Variants in EDAR observed in about 807,000 individuals in gnomAD.
EDAR encodes tumor necrosis factor receptor superfamily member EDAR.
A neutral mutation model predicts 51.3 loss-of-function variants in EDAR; 38 were observed. That is an observed-to-expected ratio of 0.74 (90% confidence interval 0.57 to 0.97). EDAR has a LOEUF of 0.97. EDAR is among the 50% of genes least tolerant of loss of function. The pLI is 0.00. For synonymous variants in EDAR, 227 were observed against 242.1 expected (o/e 0.94, Z 0.58); for missense variants, 528 against 595.0 (o/e 0.89, Z 1.17).
intron 4 of EDAR, among the ~76,000 whole-genome samples, chr2:108,924,892 T>C (rs188715891): frequency 3.7e-4 from 57 of 152,358 alleles, no homozygotes; most frequent in African/African-American, 1.3e-3. Context: ...TTCACGGGCA[T>C]GTGGGCCAGA....
rs144579280 is a variant in EDAR at position 108,954,242 on chromosome 2, C to T, written c.-18-23210G>A. 5.0e-4 allele frequency among the ~76,000 whole-genome samples: 76 copies of T among 152,238 alleles called. 1 individual carries two copies. Among genetic ancestry groups the T allele is most frequent in the African/African-American group, 1.8e-3 (74 of 41,554 alleles). ...CTCTTTAGAACTGGAGATCCTGTTC[C>T]GGAGACCAGCAGCAGATTGTGGTGT... is the stretch of plus-strand genomic sequence containing the variant. On this transcript the variant is annotated intron_variant, in intron 1 of 11. Transcript: ENST00000258443.
chr2:108,896,972 A>C lies in EDAR; in HGVS notation c.1282T>G (p.Cys428Gly). Residue 428 changes from cysteine to glycine, a missense_variant, in exon 12 of 12, where the codon TGT becomes GGT. Cys to Gly is a radical substitution (Grantham distance 159). Transcript: ENST00000258443. ...IERLDAVESLCADILEWAGVV... is the reference protein window; with the variant it reads ...IERLDAVESLGADILEWAGVV... ...CCCGCCCACTCCAGTATGTCTGCAC[A>C]CAAGGACTCCACAGCATCCAGCCGC... The C allele has an allele frequency of 6.2e-7, 1 of 1,613,816 alleles. No individual in the cohort carries two copies. Among genetic ancestry groups the C allele is most frequent in the Non-Finnish European group, 8.5e-7 (1 of 1,179,930 alleles).
At chr2:108,910,701 G>GTCCTC (rs1696910322) in intron 8 of EDAR, 75 bp downstream of exon 8, 1 of 1,526,982 alleles carries the variant, frequency 6.5e-7, no homozygotes, top group East Asian at 2.3e-5. Context: ...GCAGCGAGGA[G>GTCCTC]GCTGCTTCTG....
intron 1 of EDAR, among the ~76,000 whole-genome samples, chr2:108,937,586 G>A (rs992679287): frequency 6.6e-6 from 1 of 151,608 alleles, no homozygotes; most frequent in South Asian, 2.1e-4. Context: ...ATGTGTAAGT[G>A]TATTTGTATA....
At chr2:108,973,118 C>G (rs1698264644) in intron 1 of EDAR, among the ~76,000 whole-genome samples, 1 of 152,220 alleles carries the variant, frequency 6.6e-6, no homozygotes. Flanking sequence ...TCCCCATTAG[C>G]TGGGATTAAT....
At chr2:108,932,796 A>G (rs376922739) in intron 1 of EDAR, among the ~76,000 whole-genome samples, 21 of 152,312 alleles carry the variant, frequency 1.4e-4, no homozygotes, top group African/African-American at 4.8e-4. Flanking sequence ...AACCGTGGGG[A>G]AAACATTCAA....
intron 1 of EDAR, among the ~76,000 whole-genome samples, chr2:108,968,168 A>T (rs1698179845): frequency 6.6e-6 from 1 of 152,120 alleles, no homozygotes; most frequent in South Asian, 2.1e-4. Flanking sequence ...ACTTTAGTGG[A>T]AACTGTCTCT....
Position 108,911,011 on chromosome 2 carries a change from G to A in EDAR, c.591C>T (p.Ile197=). 1.2e-6 allele frequency: 2 copies of A among 1,614,164 alleles called. No homozygotes were observed. Among genetic ancestry groups the A allele is most frequent in the Non-Finnish European group, 1.7e-6 (2 of 1,180,010 alleles). Residue 197 remains isoleucine (I), a synonymous_variant, in exon 7 of 12, where the codon ATC becomes ATT. Coordinates refer to ENST00000258443, the MANE Select transcript of EDAR (RefSeq NM_022336.4). The part of the protein sequence containing the change: ...ALIIAMSTIF[I]MAIAIVLIIM... ...TGATGAGGACGATGGCGATGGCCAT[G>A]ATGAAGATGGTGGACATTGCAATGA...
chr2:108,963,240 A>T (rs1190627471), intron 1 of EDAR, among the ~76,000 whole-genome samples: 1 of 152,214 alleles, frequency 6.6e-6, no homozygotes, highest in Non-Finnish European at 1.5e-5. Context: ...CTCTGTGGCC[A>T]ACGTAAAAGG....
Position 108,910,351 on chromosome 2 carries a change from T to C in EDAR, c.803+109A>G, listed in dbSNP as rs568935969. 89 of 886,496 alleles carry C rather than the reference T, an allele frequency of 1.0e-4. No individual in the cohort carries two copies. In the South Asian group the frequency reaches 1.2e-3, roughly 12 times the overall value. 54.9% of individuals were successfully genotyped at this position (886,496 alleles called of 1,614,324 possible). A position where few individuals can be genotyped will look rare whatever the true frequency, so the allele number is the denominator to read the frequency against. On this transcript the variant is annotated intron_variant, in intron 9 of 11. Transcript: ENST00000258443. ...GACTGTCTGTCGCCGAACGTCCCCA[T>C]AGTGTCCCAGGCTAGCCTGTCAGTT...
chr2:108,957,691 C>T (rs1050591021), intron 1 of EDAR, among the ~76,000 whole-genome samples: 6 of 152,352 alleles, frequency 3.9e-5, no homozygotes, highest in Non-Finnish European at 8.8e-5. Context: ...AAACCCCATC[C>T]TTCACCGGGC....
chr2:108,914,281 T>C (rs1696987468), intron 5 of EDAR, among the ~76,000 whole-genome samples: 1 of 151,446 alleles, frequency 6.6e-6, no homozygotes, highest in African/African-American at 2.4e-5. Context: ...AAAATAAAAA[T>C]AAAATAAAAA....
chr2:108,923,545 G>T, intron 4 of EDAR, 92 bp from the exon 5 acceptor site: 1 of 1,192,956 alleles, frequency 8.4e-7, no homozygotes, highest in Non-Finnish European at 1.2e-6. Context: ...CCAGTCTGCA[G>T]GCCCACAATC....
At chr2:108,947,892 A>T (rs572205489) in intron 1 of EDAR, among the ~76,000 whole-genome samples, 1 of 152,292 alleles carries the variant, frequency 6.6e-6, no homozygotes, top group East Asian at 1.9e-4. Flanking sequence ...AGCCAGTTTG[A>T]ATTCCTCCCC....
intron 1 of EDAR, among the ~76,000 whole-genome samples, chr2:108,988,731 GC>G (rs1481825707): frequency 1.3e-5 from 2 of 152,182 alleles, no homozygotes; most frequent in African/African-American, 2.4e-5. Context: ...AACCAAATGT[GC>G]AACCAACAGC....
At chr2:108,962,815 A>C (rs1698077567) in intron 1 of EDAR, among the ~76,000 whole-genome samples, 3 of 152,252 alleles carry the variant, frequency 2.0e-5, no homozygotes, top group Non-Finnish European at 4.4e-5. Context: ...TCTGTCCAAG[A>C]GACTGAGCAG....
At chr2:108,984,503 C>T (rs556004858) in intron 1 of EDAR, among the ~76,000 whole-genome samples, 249 of 152,218 alleles carry the variant, frequency 1.6e-3, no homozygotes, top group African/African-American at 5.5e-3. Flanking sequence ...CCCTCTGCTC[C>T]GGCAGCATGG....
At position 108,913,044 on chromosome 2, in the gene EDAR, G is replaced by GT. The variant is rs554101108; in HGVS notation, c.443-281dup. On this transcript the variant is annotated intron_variant, in intron 5 of 11. Transcript: ENST00000258443. ...GCTCACTGCAAGCTCTGCCTCCCTG[G>GT]TTGACGCCATTCTCCTGTCTCAGCC... 8.6e-4 allele frequency among the ~76,000 whole-genome samples: 130 copies of GT among 151,626 alleles called. 1 individual carries two copies. The Middle Eastern group carries it at 0.01, about 12-fold the overall frequency.
chr2:108,984,145 C>T (rs905705764), intron 1 of EDAR, among the ~76,000 whole-genome samples: 4 of 152,148 alleles, frequency 2.6e-5, no homozygotes, highest in African/African-American at 9.7e-5. Context: ...GTGTTAACGG[C>T]CAAGGGAGCA....
Sources: allele counts gnomAD v4.1 joint callset (sites outside exome capture counted in the v4.1 genomes callset), GRCh38; gene constraint gnomAD v4.1.1; transcripts MANE v1.5; gene names NCBI Gene and HGNC (gene_info 2026-07-23, HGNC 2026-07-21).